CCM2: variants seen among roughly 807,000 people sequenced by gnomAD.
The protein encoded by CCM2 is CCM2 scaffold protein.
In CCM2, 25 loss-of-function variants were observed where a neutral mutation model predicts 44.9. The ratio of observed to expected loss-of-function variants is 0.56; its 90% confidence interval spans 0.41 to 0.78. The LOEUF is 0.78. CCM2 is among the 30% of genes least tolerant of loss of function. The pLI, the probability that CCM2 is intolerant of heterozygous loss-of-function variation, is 0.00. For missense variants in CCM2, 481 were observed against 580.6 expected (o/e 0.83, Z 1.76); for synonymous variants, 219 against 241.1 (o/e 0.91, Z 0.85).
At chr7:45,005,685 A>G (rs1004802815) in intron 1 of CCM2, among the ~76,000 whole-genome samples, 5 of 152,240 alleles carry the variant, frequency 3.3e-5, no homozygotes, top group South Asian at 2.1e-4. Context: ...TGCCTTGCCT[A>G]TTATGTGCTT....
At chr7:45,042,014 G>A (rs2128732076) in intron 2 of CCM2, among the ~76,000 whole-genome samples, 1 of 152,286 alleles carries the variant, frequency 6.6e-6, no homozygotes, top group South Asian at 2.1e-4. Flanking sequence ...CGTGGCCCAT[G>A]CCTGTAATCC....
intron 1 of CCM2, among the ~76,000 whole-genome samples, chr7:45,037,811 A>G (rs1797298152): frequency 6.6e-6 from 1 of 152,178 alleles, no homozygotes; most frequent in Non-Finnish European, 1.5e-5. Flanking sequence ...CATAAAAAAC[A>G]TATGCTCCAC....
chr7:45,067,136 G>A (rs773736612), intron 4 of CCM2, among the ~76,000 whole-genome samples: 16 of 151,462 alleles, frequency 1.1e-4, no homozygotes, highest in Non-Finnish European at 1.5e-4. Context: ...TCCTGACCTT[G>A]TGATCCGCCA....
chr7:45,030,002 G>A (rs1796885421), intron 1 of CCM2, among the ~76,000 whole-genome samples: 1 of 152,186 alleles, frequency 6.6e-6, no homozygotes, highest in South Asian at 2.1e-4. Flanking sequence ...CCATATGGAT[G>A]TCTTTGCACA....
At chr7:45,031,212 A>G (rs1032035930) in intron 1 of CCM2, among the ~76,000 whole-genome samples, 1 of 151,368 alleles carries the variant, frequency 6.6e-6, no homozygotes, top group Admixed American at 6.6e-5. Flanking sequence ...GTGAAACCCC[A>G]TCTCTATAAA....
chr7:45,012,179 G>C (rs956438690), intron 1 of CCM2, among the ~76,000 whole-genome samples: 1 of 143,214 alleles, frequency 7.0e-6, no homozygotes, highest in Non-Finnish European at 1.5e-5. Flanking sequence ...TCTTACCCAG[G>C]CTGCAGTGTA....
At chr7:45,030,230 T>C (rs1039238758) in intron 1 of CCM2, among the ~76,000 whole-genome samples, 1 of 152,300 alleles carries the variant, frequency 6.6e-6, no homozygotes, top group African/African-American at 2.4e-5. Flanking sequence ...CTTTGGTCTC[T>C]GAGGTTCAAA....
chr7:45,047,937 A>G lies in CCM2; in HGVS notation c.204+9511A>G, dbSNP rs565935782. Among the ~76,000 whole-genome samples, 35 of 152,372 alleles carry G rather than the reference A, an allele frequency of 2.3e-4. No homozygotes were observed. The East Asian group carries it at 5.6e-3, about 24-fold the overall frequency. On this transcript the variant is annotated intron_variant, in intron 2 of 9. Transcript: ENST00000258781. Reference sequence around the variant, plus strand: ...TTAATTATAAAGAAATTGCAATTTGACTACTACTTGGCATGTCAGTGAGAG... The same window carrying G: ...TTAATTATAAAGAAATTGCAATTTGGCTACTACTTGGCATGTCAGTGAGAG...
intron 1 of CCM2, among the ~76,000 whole-genome samples, chr7:45,000,850 C>T (rs552218557): frequency 6.6e-6 from 1 of 152,202 alleles, no homozygotes; most frequent in African/African-American, 2.4e-5. Context: ...GTGACGCTAG[C>T]TACATTTGGC....
intron 2 of CCM2, among the ~76,000 whole-genome samples, chr7:45,059,260 A>G (rs145880485): frequency 2.4e-4 from 36 of 152,046 alleles, no homozygotes; most frequent in Non-Finnish European, 4.7e-4. Flanking sequence ...TTATTAATAC[A>G]TTATTGGATT....
At chr7:45,029,499 G>A in intron 1 of CCM2, 1 of 152,214 alleles carries the variant, frequency 6.6e-6, no homozygotes, top group East Asian at 1.9e-4. Context: ...CATGGAGAAT[G>A]CAGCTAGAAG....
chr7:45,065,687 A>G (rs1176573567), intron 4 of CCM2, among the ~76,000 whole-genome samples: 3 of 152,052 alleles, frequency 2.0e-5, no homozygotes, highest in African/African-American at 7.2e-5. Context: ...TACACAGGGA[A>G]CACTGGCGGG....
intron 1 of CCM2, among the ~76,000 whole-genome samples, chr7:45,016,339 TA>T (rs1262220809): frequency 6.6e-6 from 1 of 152,200 alleles, no homozygotes; most frequent in Non-Finnish European, 1.5e-5. Context: ...TTATTTTATT[TA>T]TTTTTTTTGA....
At chr7:45,036,057 G>C (rs1369405982) in intron 1 of CCM2, among the ~76,000 whole-genome samples, 1 of 152,170 alleles carries the variant, frequency 6.6e-6, no homozygotes, top group Non-Finnish European at 1.5e-5. Context: ...TGCTTAGTAA[G>C]TGGTGCAGCC....
intron 1 of CCM2, among the ~76,000 whole-genome samples, chr7:45,001,723 A>C (rs192286801): frequency 6.6e-6 from 1 of 152,178 alleles, no homozygotes; most frequent in Admixed American, 6.5e-5. Context: ...AGAGCTGTCT[A>C]TCAGCTTTGG....
intron 1 of CCM2, chr7:45,029,495 G>T (rs1796857831): frequency 6.6e-6 from 1 of 152,162 alleles, no homozygotes. Flanking sequence ...TTTGCATGGA[G>T]AATGCAGCTA....
intron 1 of CCM2, among the ~76,000 whole-genome samples, chr7:45,025,445 G>A (rs543884125): frequency 1.3e-5 from 2 of 151,982 alleles, no homozygotes; most frequent in Admixed American, 6.6e-5. Context: ...TCTCCGCTAT[G>A]TCCTTGTTAT....
At chr7:45,064,061 T>C in intron 3 of CCM2, 60 bp downstream of exon 3, 20 of 1,216,920 alleles carry the variant, frequency 1.6e-5, no homozygotes, top group Non-Finnish European at 2.4e-5. Flanking sequence ...CCTTGGTCCC[T>C]GTACTCTTGG....
Position 45,073,508 on chromosome 7 carries a change from G to A in CCM2, c.852G>A (p.Lys284=), listed in dbSNP as rs1403028486. ...TGGGTGGTGCATCACCCCACAGCAAGACCATCAGTGAGAGCGAGCTGAGCG... is the reference window on the plus strand; with the variant it reads ...TGGGTGGTGCATCACCCCACAGCAAAACCATCAGTGAGAGCGAGCTGAGCG... ...VDVGGASPHS[K]TISESELSAS... Residue 284 remains lysine (K), a synonymous_variant, in exon 8 of 10, where the codon AAG becomes AAA. Coordinates refer to ENST00000258781, the MANE Select transcript of CCM2 (RefSeq NM_031443.4). 1.2e-6 allele frequency: 2 copies of A among 1,613,254 alleles called. No individual in the cohort carries two copies. The highest frequency in any genetic ancestry group is 2.7e-5 in the African/African-American group (2 of 74,934).
Sources: allele counts gnomAD v4.1 joint callset (sites outside exome capture counted in the v4.1 genomes callset), GRCh38; gene constraint gnomAD v4.1.1; transcripts MANE v1.5; gene names NCBI Gene and HGNC (gene_info 2026-07-23, HGNC 2026-07-21).